CD300LF: variants seen among roughly 807,000 people sequenced by gnomAD.
CD300LF encodes CD300 molecule like family member f, also known as CMRF35-like molecule 1.
In CD300LF, 27 loss-of-function variants were observed where a neutral mutation model predicts 32.2. That is an observed-to-expected ratio of 0.84 (90% CI 0.62 to 1.15). CD300LF has a LOEUF of 1.15. CD300LF is among the 50% of genes most tolerant of loss of function. CD300LF has a pLI of 0.00. For missense variants in CD300LF, 348 were observed against 356.8 expected (o/e 0.98, Z 0.20); for synonymous variants, 139 against 143.2 (o/e 0.97, Z 0.21).
intron 1 of CD300LF, chr17:74,705,223 GACCCTCATGA>G (rs2033411112): frequency 4.3e-6 from 3 of 702,430 alleles, no homozygotes; most frequent in Non-Finnish European, 7.8e-6. Context: ...TAGCACTGAT[GACCCTCATGA>G]GGTCGAGCTG....
intron 1 of CD300LF, among the ~76,000 whole-genome samples, chr17:74,710,114 G>A (rs1425353928): frequency 6.6e-6 from 1 of 152,006 alleles, no homozygotes; most frequent in Non-Finnish European, 1.5e-5. Flanking sequence ...GAGTAGCTGG[G>A]ACTACAGGCG....
Position 74,698,457 on chromosome 17 carries a change from G to A in CD300LF, c.471C>T (p.Val157=), listed in dbSNP as rs762552278. The change falls in exon 4 of 7, where the codon GTC becomes GTT. Residue 157 remains valine, a synonymous_variant. Transcript: ENST00000326165. Reference sequence around the variant, plus strand: ...ATATGGTGAAGATGAGGGGCAGGAGGACACTGAGCTTCAGGAGCTTGTGCC... The same window carrying A: ...ATATGGTGAAGATGAGGGGCAGGAGAACACTGAGCTTCAGGAGCTTGTGCC... ...DNRHKLLKLS[V]LLPLIFTILL... The A allele has an allele frequency of 3.1e-6, 5 of 1,613,812 alleles. No individual in the cohort carries two copies. In the Admixed American group the frequency reaches 8.3e-5, roughly 27 times the overall value.
At chr17:74,698,641 G>T (rs1265286177) in intron 3 of CD300LF, 160 bp from the exon 4 acceptor site, 1 of 1,467,158 alleles carries the variant, frequency 6.8e-7, no homozygotes, top group East Asian at 2.5e-5. Flanking sequence ...CTCAAAGATG[G>T]GTTTACAATG....
chr17:74,698,301 A>G (rs897956988), intron 4 of CD300LF, 68 bp downstream of exon 4: 13 of 1,066,518 alleles, frequency 1.2e-5, no homozygotes, highest in Non-Finnish European at 1.9e-5. Flanking sequence ...TGGACCAGAT[A>G]GCTCCCAGAT....
intron 3 of CD300LF, among the ~76,000 whole-genome samples, chr17:74,700,873 G>A (rs1420190247): frequency 6.6e-6 from 1 of 151,416 alleles, no homozygotes; most frequent in Non-Finnish European, 1.5e-5. Context: ...GATTGTATTT[G>A]AAGATAGGAT....
intron 1 of CD300LF, among the ~76,000 whole-genome samples, chr17:74,706,439 A>G (rs527399454): frequency 7.2e-5 from 11 of 151,866 alleles, no homozygotes; most frequent in African/African-American, 2.7e-4. Flanking sequence ...ATATATATAT[A>G]AATTCCCAAC....
intron 3 of CD300LF, among the ~76,000 whole-genome samples, chr17:74,699,519 GGAA>G (rs1355880671): frequency 5.9e-5 from 9 of 152,094 alleles, no homozygotes; most frequent in Non-Finnish European, 1.0e-4. Flanking sequence ...AACACACACA[GGAA>G]GAAGACCATG....
At chr17:74,711,594 C>T (rs955029841) in intron 1 of CD300LF, among the ~76,000 whole-genome samples, 5 of 152,220 alleles carry the variant, frequency 3.3e-5, no homozygotes, top group Non-Finnish European at 5.9e-5. Context: ...CAAAGCCGTG[C>T]TGACCTCCCT....
Position 74,695,760 on chromosome 17 carries a change from G to A in CD300LF, c.682C>T (p.Gln228Ter). The A allele has an allele frequency of 1.9e-6, 3 of 1,614,166 alleles. No homozygotes were observed. The highest frequency in any genetic ancestry group is 2.2e-5 in the East Asian group (1 of 44,868). The stretch of plus-strand genomic sequence containing the variant: ...TATTCCACTTCCACCTGGTCAACCT[G>A]GGCAGAGGAAAGCTTCGTGGTAGCC... ...QKATTKLSSAQVDQVEVEYVT... is the reference protein window; with the variant it reads ...QKATTKLSSA The change falls in exon 6 of 7, where the codon CAG becomes TAG. Residue 228 changes from glutamine (Q) to a stop codon, truncating the protein, a stop_gained. Transcript: ENST00000326165. LOFTEE classifies it low-confidence loss of function (END_TRUNC).
intron 6 of CD300LF, 120 bp downstream of exon 6, chr17:74,695,605 C>T: frequency 2.1e-6 from 3 of 1,426,230 alleles, no homozygotes; most frequent in South Asian, 1.3e-5. Context: ...TATGGCTTTG[C>T]CCCACACCTG....
rs150689939 is a variant in CD300LF at position 74,698,008 on chromosome 17, C to G, written c.559+361G>C. Among the ~76,000 whole-genome samples, 527 of 152,272 alleles carry G rather than the reference C, an allele frequency of 3.5e-3. 6 individuals are homozygous for G. Among genetic ancestry groups the G allele is most frequent in the African/African-American group, 0.012 (505 of 41,538 alleles). On this transcript the variant is annotated intron_variant, in intron 4 of 6. Transcript: ENST00000326165. ...CCATGTCAGCTCAGTACCTCCTTGA[C>G]AACCACATAGACCCAACTCTAGCGT...
At chr17:74,706,273 GAAAA>G (rs144675318) in intron 1 of CD300LF, among the ~76,000 whole-genome samples, 1 of 137,562 alleles carries the variant, frequency 7.3e-6, no homozygotes. Context: ...CATTTTAAAG[GAAAA>G]AAAAAATATA....
chr17:74,695,157 C>A lies in CD300LF; in HGVS notation c.812G>T (p.Ser271Ile). Reference protein sequence around the residue: ...PTYCNMGHLSSHLPGRGPEEP... With the variant: ...PTYCNMGHLSIHLPGRGPEEP... ...CTCAGGGCCCCTGCCGGGGAGGTGG[C>A]TACTGAGGTGGCCCATGTTGCAGTA... Residue 271 changes from serine to isoleucine, a missense_variant, in exon 7 of 7, where the codon AGC (serine) becomes ATC (isoleucine). Transcript: ENST00000326165. The A allele has an allele frequency of 6.2e-7, 1 of 1,614,170 alleles. No individual in the cohort carries two copies. The highest frequency in any genetic ancestry group is 1.1e-5 in the South Asian group (1 of 91,086).
At chr17:74,707,288 C>T (rs6501732) in intron 1 of CD300LF, among the ~76,000 whole-genome samples, 67,547 of 152,070 alleles carry the variant, frequency 0.44, 19,256 homozygotes, top group Non-Finnish European at 0.65. Context: ...AAATCAGTAA[C>T]AAGAAAACAA....
At chr17:74,703,413 C>A (rs760358088) in intron 2 of CD300LF, among the ~76,000 whole-genome samples, 12 of 152,086 alleles carry the variant, frequency 7.9e-5, no homozygotes, top group Non-Finnish European at 1.0e-4. Context: ...AGCTGGAGAC[C>A]AGCTGAACTT....
Position 74,698,500 on chromosome 17 carries a change from G to A in CD300LF, c.447-19C>T, listed in dbSNP as rs375298163. On this transcript the variant is annotated intron_variant, in intron 3 of 6. Transcript: ENST00000326165. ...CTTGTGCCTAGAAACAATGGCAAGC[G>A]TCCCCTGCATCCCAGGCTCACCACC... 1.1e-5 allele frequency: 18 copies of A among 1,603,010 alleles called. No homozygotes were observed. The highest frequency in any genetic ancestry group is 6.8e-5 in the East Asian group (3 of 44,436).
intron 1 of CD300LF, among the ~76,000 whole-genome samples, chr17:74,705,570 CT>C (rs956866675): frequency 1.1e-4 from 16 of 150,330 alleles, no homozygotes; most frequent in South Asian, 6.3e-4. Flanking sequence ...GCAGTATTTA[CT>C]TTTTTTTTTC....
chr17:74,695,617 C>G (rs1474585351), intron 6 of CD300LF, 108 bp downstream of exon 6: 2 of 1,507,258 alleles, frequency 1.3e-6, no homozygotes, highest in African/African-American at 2.7e-5. Flanking sequence ...CCACACCTGC[C>G]TCCTCTATGC....
chr17:74,700,651 C>G (rs1188150950), intron 3 of CD300LF, among the ~76,000 whole-genome samples: 1 of 152,096 alleles, frequency 6.6e-6, no homozygotes, highest in Non-Finnish European at 1.5e-5. Flanking sequence ...GCTTGGGAGG[C>G]TGAGGCAGGA....
Sources: allele counts gnomAD v4.1 joint callset (sites outside exome capture counted in the v4.1 genomes callset), GRCh38; gene constraint gnomAD v4.1.1; transcripts MANE v1.5; gene names NCBI Gene and HGNC (gene_info 2026-07-23, HGNC 2026-07-21).